The following PTER variants were observed in gnomAD, a reference collection of about 807,000 sequenced individuals.
PTER encodes the protein N-acetyltaurine hydrolase.
A neutral mutation model predicts 29.6 loss-of-function variants in PTER; 38 were observed. The ratio of observed to expected loss-of-function variants is 1.28; its 90% CI spans 0.99 to 1.68. PTER has a LOEUF of 1.68. PTER is among the 40% of genes most tolerant of loss of function. The pLI is 0.00. For missense variants in PTER, 482 were observed against 427.8 expected (o/e 1.13, Z -1.12); for synonymous variants, 172 against 154.5 (o/e 1.11, Z -0.84).
Position 16,484,771 on chromosome 10 carries a change from G to T in PTER, c.387G>T (p.Val129=), listed in dbSNP as rs746791299. 6.2e-7 allele frequency: 1 copy of T among 1,613,224 alleles called. No homozygotes were observed. The highest frequency in any genetic ancestry group is 8.5e-7 in the Non-Finnish European group (1 of 1,179,744). Residue 129 remains valine (V), a synonymous_variant, in exon 2 of 5, where the codon GTG becomes GTT. Transcript: ENST00000535784. ...VHIISGAGFY[V]DATHSSETRA... ...TCATATCTGGAGCCGGGTTTTATGTGGATGCAACTCACTCCTCAGAGACCA... is the reference window on the plus strand; with the variant it reads ...TCATATCTGGAGCCGGGTTTTATGTTGATGCAACTCACTCCTCAGAGACCA...
intron 1 of PTER, among the ~76,000 whole-genome samples, chr10:16,438,390 C>G (rs1033648836): frequency 6.6e-6 from 1 of 151,934 alleles, no homozygotes; most frequent in African/African-American, 2.4e-5. Context: ...TTCACTTCCC[C>G]CGTTCAAGTG....
chr10:16,505,018 A>G lies in PTER; in HGVS notation c.699-2A>G, dbSNP rs925688484. On this transcript the variant is annotated splice_acceptor_variant, in intron 3 of 4. Transcript: ENST00000535784. LOFTEE classifies it high-confidence loss of function. ...ACAGTTCATCTGTCGCATTGTTTCT[A>G]GGACTATTCTTGATAAGAAAGAGCT... is the stretch of plus-strand genomic sequence containing the variant. 6.2e-7 allele frequency: 1 copy of G among 1,613,624 alleles called. No homozygotes were observed. The highest frequency in any genetic ancestry group is 1.3e-5 in the African/African-American group (1 of 74,898).
chr10:16,465,865 A>G (rs1834792013), intron 1 of PTER, among the ~76,000 whole-genome samples: 5 of 152,168 alleles, frequency 3.3e-5, no homozygotes, highest in Admixed American at 1.3e-4. Flanking sequence ...AGCAGGAGAG[A>G]GAGGGCAAGT....
At chr10:16,473,605 T>C (rs1223762765) in intron 1 of PTER, among the ~76,000 whole-genome samples, 5 of 150,968 alleles carry the variant, frequency 3.3e-5, no homozygotes, top group Non-Finnish European at 3.0e-5. Context: ...GTTCCTGCCT[T>C]GCATCTCCGC....
At chr10:16,479,092 A>T (rs1398279032) in intron 1 of PTER, among the ~76,000 whole-genome samples, 1 of 152,154 alleles carries the variant, frequency 6.6e-6, no homozygotes, top group Non-Finnish European at 1.5e-5. Context: ...AATTTGAAAA[A>T]AAAAAAGGAA....
intron 3 of PTER, among the ~76,000 whole-genome samples, chr10:16,501,394 A>G (rs2133493365): frequency 6.6e-6 from 1 of 150,468 alleles, no homozygotes; most frequent in South Asian, 2.1e-4. Flanking sequence ...CACACACCCC[A>G]TAGTAAGAAA....
chr10:16,515,233 A>G (rs547296161), downstream of PTER, among the ~76,000 whole-genome samples: 4 of 151,608 alleles, frequency 2.6e-5, no homozygotes, highest in Non-Finnish European at 4.4e-5. Flanking sequence ...AGAAAAAAAA[A>G]AAAAAGAAAA....
chr10:16,443,219 T>C (rs1833906267), intron 1 of PTER, among the ~76,000 whole-genome samples: 1 of 152,184 alleles, frequency 6.6e-6, no homozygotes, highest in Non-Finnish European at 1.5e-5. Flanking sequence ...CTCTTTGGCT[T>C]GTGGATGGCC....
chr10:16,454,786 T>C (rs1171850019), intron 1 of PTER, among the ~76,000 whole-genome samples: 1 of 151,474 alleles, frequency 6.6e-6, no homozygotes, highest in Admixed American at 6.6e-5. Context: ...CTAATAACAA[T>C]AAATAATAGA....
At chr10:16,461,076 G>C (rs1564390304) in intron 1 of PTER, among the ~76,000 whole-genome samples, 9 of 152,138 alleles carry the variant, frequency 5.9e-5, no homozygotes. Context: ...AAACTACAGT[G>C]AAAGGAGATT....
Position 16,478,225 on chromosome 10 carries a change from T to A in PTER, c.-48-6112T>A, listed in dbSNP as rs1202152630. ...TATTCCGACAGTGTCTTGACAATAA[T>A]ATTGCACTTGTCCCAACTCTAGGAT... On this transcript the variant is annotated intron_variant, in intron 1 of 4. Coordinates refer to ENST00000535784, the MANE Select transcript of PTER (RefSeq NM_001261836.2). Among the ~76,000 whole-genome samples, 4 of 152,320 alleles carry A rather than the reference T, an allele frequency of 2.6e-5. No homozygotes were observed. In the South Asian group the frequency reaches 8.3e-4, roughly 32 times the overall value.
At chr10:16,449,580 A>G (rs545720456) in intron 1 of PTER, among the ~76,000 whole-genome samples, 2 of 151,980 alleles carry the variant, frequency 1.3e-5, no homozygotes, top group African/African-American at 4.8e-5. Context: ...TTGATGGTTG[A>G]GTGTTGCCAC....
At chr10:16,514,812 AT>A, downstream of PTER, 2 of 801,618 alleles carry the variant, frequency 2.5e-6, no homozygotes, top group Non-Finnish European at 3.9e-6. Flanking sequence ...ATAGTACAGA[AT>A]TTAGCATAGC....
At chr10:16,503,578 G>A (rs544962418) in intron 3 of PTER, among the ~76,000 whole-genome samples, 12 of 151,822 alleles carry the variant, frequency 7.9e-5, no homozygotes, top group East Asian at 5.9e-4. Context: ...CTAATTTTTC[G>A]TATTTTTAGT....
chr10:16,446,664 G>T lies in PTER; in HGVS notation c.-49+9617G>T, dbSNP rs138045709. ...TTCTTAGCATTAGAAACATTTCATG[G>T]ACTGTTGCTACTCGTTATTGTTGCC... On this transcript the variant is annotated intron_variant, in intron 1 of 4. Coordinates refer to ENST00000535784, the MANE Select transcript of PTER (RefSeq NM_001261836.2). Among the ~76,000 whole-genome samples the T allele has an allele frequency of 2.4e-3, 370 of 152,146 alleles. 2 individuals are homozygous for T. Among genetic ancestry groups the T allele is most frequent in the African/African-American group, 8.1e-3 (336 of 41,506 alleles).
intron 1 of PTER, among the ~76,000 whole-genome samples, chr10:16,479,815 G>A (rs916901362): frequency 2.0e-5 from 3 of 151,698 alleles, no homozygotes; most frequent in Admixed American, 2.0e-4. Context: ...CTCCCTGCAG[G>A]TACAACGGGC....
At chr10:16,516,171 G>A (rs773972453), downstream of PTER, among the ~76,000 whole-genome samples, 16 of 152,116 alleles carry the variant, frequency 1.1e-4, no homozygotes, top group Non-Finnish European at 1.9e-4. Flanking sequence ...ATTGCTTAAC[G>A]CTGTACTAAC....
Position 16,484,423 on chromosome 10 carries a change from C to T in PTER, c.39C>T (p.Gly13=). Residue 13 remains glycine (G), a synonymous_variant, in exon 2 of 5, where the codon GGC becomes GGT. Transcript: ENST00000535784. ...GTGGAAAAGTCCAAACCGTTTTGGG[C>T]CTTGTAGAGCCAAGCAAACTGGGCC... ...SLSGKVQTVL[G]LVEPSKLGRT... 19 of 1,609,802 alleles carry T rather than the reference C, an allele frequency of 1.2e-5. No individual in the cohort carries two copies. The highest frequency in any genetic ancestry group is 3.3e-4 in the Middle Eastern group (2 of 6,010).
intron 1 of PTER, among the ~76,000 whole-genome samples, chr10:16,448,528 G>A (rs1182339149): frequency 3.3e-5 from 5 of 152,098 alleles, no homozygotes; most frequent in Non-Finnish European, 7.3e-5. Context: ...GGAATATCTC[G>A]ACAGGCCCCA....
Sources: allele counts gnomAD v4.1 joint callset (sites outside exome capture counted in the v4.1 genomes callset), GRCh38; gene constraint gnomAD v4.1.1; transcripts MANE v1.5; gene names NCBI Gene and HGNC (gene_info 2026-07-23, HGNC 2026-07-21).